DLGAP1: variants seen among roughly 807,000 people sequenced by gnomAD.
DLGAP1 encodes disks large-associated protein 1.
Under a neutral mutation model 90.8 loss-of-function variants are expected in DLGAP1, and 11 were observed. That is an observed-to-expected ratio of 0.12 (90% confidence interval 0.08 to 0.20). The LOEUF is 0.20. DLGAP1 is among the 10% of genes least tolerant of loss of function. The pLI is 1.00. For synonymous variants in DLGAP1, 558 were observed against 540.7 expected, an observed-to-expected ratio of 1.03 and a Z score of -0.44; for missense variants, 1,050 against 1,333.8, an observed-to-expected ratio of 0.79 and a Z score of 3.31.
chr18:4,128,085 CTA>C (rs1383113234), intron 2 of DLGAP1, among the ~76,000 whole-genome samples: 10 of 152,154 alleles, frequency 6.6e-5, no homozygotes, highest in Admixed American at 5.2e-4. Flanking sequence ...TAACAGCATT[CTA>C]TGTCACTAGA....
intron 1 of DLGAP1, among the ~76,000 whole-genome samples, chr18:4,303,195 T>C (rs74489242): frequency 6.6e-6 from 1 of 152,222 alleles, no homozygotes; most frequent in African/African-American, 2.4e-5. Flanking sequence ...GATAGCTTCA[T>C]TGAGCTCTGG....
chr18:3,708,538 G>A (rs368097559), intron 7 of DLGAP1: 16 of 456,594 alleles, frequency 3.5e-5, no homozygotes, highest in African/African-American at 6.0e-5. Context: ...TTTCTGCTCC[G>A]TTTCCTGCCT....
chr18:3,640,118 C>T lies in DLGAP1; in HGVS notation c.1592-57870G>A, dbSNP rs569402776. ...GGTACATTATTTTTTTTCCGTATCC[C>T]TCACAGCTCGTAGGATAGTAGTGTC... is the stretch of plus-strand genomic sequence containing the variant. On this transcript the variant is annotated intron_variant, in intron 7 of 12. Coordinates refer to ENST00000315677, the MANE Select transcript of DLGAP1 (RefSeq NM_004746.4). Among the ~76,000 whole-genome samples, 4 of 152,082 alleles carry T rather than the reference C, an allele frequency of 2.6e-5. No homozygotes were observed. In the South Asian group the frequency reaches 8.3e-4, roughly 32 times the overall value.
chr18:4,451,297 A>AG (rs924426267), intron 1 of DLGAP1, among the ~76,000 whole-genome samples: 2 of 151,598 alleles, frequency 1.3e-5, no homozygotes. Flanking sequence ...ATCACACCTC[A>AG]TTTTTTTCTT....
chr18:3,624,799 CT>C (rs1178564026), intron 7 of DLGAP1, among the ~76,000 whole-genome samples: 1 of 152,148 alleles, frequency 6.6e-6, no homozygotes, highest in African/African-American at 2.4e-5. Flanking sequence ...CATATCACAT[CT>C]GAGTTAGGCC....
intron 7 of DLGAP1, among the ~76,000 whole-genome samples, chr18:3,611,380 A>G (rs1274035711): frequency 6.6e-6 from 1 of 152,046 alleles, no homozygotes; most frequent in Non-Finnish European, 1.5e-5. Context: ...GGGGCAGTGC[A>G]AAGTTGCAGC....
chr18:3,650,850 T>C (rs1639362), intron 7 of DLGAP1, among the ~76,000 whole-genome samples: 53,316 of 151,060 alleles, frequency 0.35, 11,166 homozygotes, highest in African/African-American at 0.6. Flanking sequence ...GGGCGGATCA[T>C]GAGGTCAGGA....
intron 4 of DLGAP1, among the ~76,000 whole-genome samples, chr18:3,872,605 C>A (rs76533428): frequency 1.2e-3 from 182 of 152,246 alleles, no homozygotes; most frequent in African/African-American, 4.1e-3. Flanking sequence ...AAATTAAAGT[C>A]AGCCTGGCAA....
intron 1 of DLGAP1, among the ~76,000 whole-genome samples, chr18:4,362,458 T>G (rs947649709): frequency 1.3e-5 from 2 of 152,124 alleles, no homozygotes; most frequent in African/African-American, 4.8e-5. Flanking sequence ...TTACACTAAG[T>G]GAAATAAGCC....
intron 2 of DLGAP1, among the ~76,000 whole-genome samples, chr18:4,118,559 C>T (rs2076100289): frequency 6.6e-6 from 1 of 152,138 alleles, no homozygotes; most frequent in African/African-American, 2.4e-5. Context: ...TCACCCCCGC[C>T]TACAATGGAA....
intron 7 of DLGAP1, among the ~76,000 whole-genome samples, chr18:3,712,717 G>A (rs755731685): frequency 5.9e-5 from 9 of 152,202 alleles, no homozygotes; most frequent in Non-Finnish European, 1.2e-4. Flanking sequence ...TGCAGCTGAC[G>A]TCATGGGGCT....
At chr18:3,701,818 C>T (rs183200977) in intron 7 of DLGAP1, among the ~76,000 whole-genome samples, 62 of 152,174 alleles carry the variant, frequency 4.1e-4, no homozygotes, top group African/African-American at 1.4e-3. Flanking sequence ...TGCGATCTGG[C>T]AGATGGACAT....
At chr18:3,719,294 C>T (rs182074727) in intron 7 of DLGAP1, among the ~76,000 whole-genome samples, 4 of 151,742 alleles carry the variant, frequency 2.6e-5, no homozygotes, top group South Asian at 2.1e-4. Flanking sequence ...TGGCCAGGTG[C>T]GGTGGCTCGC....
At chr18:4,027,517 AAAAAAAAAAAAAAAAAAAAGAAT>A (rs2149123978) in intron 2 of DLGAP1, among the ~76,000 whole-genome samples, 1 of 148,012 alleles carries the variant, frequency 6.8e-6, no homozygotes, top group African/African-American at 2.5e-5. Flanking sequence ...AAAAAAAAAA[AAAAAAAAAAAAAAAAAAAAGAAT>A]AATGATATGC....
intron 7 of DLGAP1, among the ~76,000 whole-genome samples, chr18:3,638,123 T>C (rs1253323695): frequency 3.3e-5 from 5 of 151,744 alleles, no homozygotes; most frequent in Non-Finnish European, 5.9e-5. Context: ...ATTTTTTGTA[T>C]TTTTTAGTAG....
At chr18:3,790,404 T>C (rs1310158483) in intron 5 of DLGAP1, among the ~76,000 whole-genome samples, 1 of 151,834 alleles carries the variant, frequency 6.6e-6, no homozygotes, top group Non-Finnish European at 1.5e-5. Context: ...AGTAGCTGGG[T>C]CCACAGGTGT....
intron 1 of DLGAP1, among the ~76,000 whole-genome samples, chr18:4,417,735 T>G (rs2082933566): frequency 6.6e-6 from 1 of 152,028 alleles, no homozygotes; most frequent in South Asian, 2.1e-4. Context: ...CAAAACAACT[T>G]AACCCTGGGG....
chr18:3,908,237 G>A (rs1426795204), intron 3 of DLGAP1, among the ~76,000 whole-genome samples: 1 of 152,172 alleles, frequency 6.6e-6, no homozygotes, highest in African/African-American at 2.4e-5. Context: ...CAAAGAGACA[G>A]TGTAATGGGG....
At chr18:3,772,993 C>A (rs1034913581) in intron 5 of DLGAP1, among the ~76,000 whole-genome samples, 3 of 152,126 alleles carry the variant, frequency 2.0e-5, no homozygotes, top group Admixed American at 1.3e-4. Flanking sequence ...CTTGGCAGAG[C>A]CCATTTAAAA....
Sources: gnomAD v4.1 joint callset for allele counts (sites outside exome capture counted in the v4.1 genomes callset) on GRCh38, gnomAD v4.1.1 for gene constraint, MANE v1.5 for transcripts, NCBI Gene and HGNC (gene_info 2026-07-23, HGNC 2026-07-21) for gene names.